PALS1: variants seen among roughly 807,000 people sequenced by gnomAD.
PALS1 encodes the protein protein associated with LIN7 1, MAGUK p55 family member.
In PALS1, 31 loss-of-function variants were observed where a neutral mutation model predicts 78.9. The observed-to-expected ratio is 0.39, with a 90% CI of 0.30 to 0.53. The LOEUF is 0.53. Among genes scored for constraint, PALS1 ranks in the 20% least tolerant of loss-of-function variants. The probability of loss-of-function intolerance (pLI) is 0.67; values close to 1 mark genes in which losing one functional copy is unlikely to be tolerated. For missense variants in PALS1, 704 were observed against 826.5 expected (o/e 0.85, Z 1.82); for synonymous variants, 276 against 270.9 (o/e 1.02, Z -0.18).
intron 3 of PALS1, among the ~76,000 whole-genome samples, chr14:67,283,922 A>G (rs900187507): frequency 1.3e-5 from 2 of 152,210 alleles, no homozygotes; most frequent in Non-Finnish European, 2.9e-5. Flanking sequence ...CGGCACATTC[A>G]GAAATGTATG....
chr14:67,331,120 CT>C (rs2085443208), intron 14 of PALS1, among the ~76,000 whole-genome samples: 2 of 152,216 alleles, frequency 1.3e-5, no homozygotes, highest in Admixed American at 1.3e-4. Flanking sequence ...TCTTGGTTCA[CT>C]GCAACCTCTG....
intron 13 of PALS1, among the ~76,000 whole-genome samples, chr14:67,323,232 C>CATGTGTGTGTGTGTGTGTGTGT (rs57594216): frequency 4.2e-5 from 6 of 143,588 alleles, no homozygotes; most frequent in African/African-American, 1.6e-4. Flanking sequence ...CATATATACA[C>CATGTGTGTGTGTGTGTGTGTGT]GTGTGTGTGT....
chr14:67,248,189 A>G (rs1397176624), intron 1 of PALS1, among the ~76,000 whole-genome samples: 1 of 152,166 alleles, frequency 6.6e-6, no homozygotes, highest in East Asian at 1.9e-4. Context: ...TTAAACAAAA[A>G]TCATTTTGGA....
At chr14:67,301,701 C>A (rs2084934607) in intron 5 of PALS1, among the ~76,000 whole-genome samples, 1 of 152,044 alleles carries the variant, frequency 6.6e-6, no homozygotes, top group Non-Finnish European at 1.5e-5. Flanking sequence ...TTCTTCCCCC[C>A]TTTGGTTGTA....
intron 1 of PALS1, among the ~76,000 whole-genome samples, chr14:67,244,564 A>G (rs1049886126): frequency 8.5e-5 from 13 of 152,236 alleles, no homozygotes; most frequent in African/African-American, 2.4e-4. Context: ...AACTACCACA[A>G]TCAAGGTAAA....
rs146917633 is a variant in PALS1 at position 67,275,884 on chromosome 14, C to T, written c.-153-3134C>T. ...GTGTCCAGGAATTTATCCATTTCTTCTAGATTTTCTACTTTATTTGCGTAG... is the reference window on the plus strand; with the variant it reads ...GTGTCCAGGAATTTATCCATTTCTTTTAGATTTTCTACTTTATTTGCGTAG... On this transcript the variant is annotated intron_variant, in intron 2 of 14. Coordinates refer to ENST00000261681, the MANE Select transcript of PALS1 (RefSeq NM_022474.4). Among the ~76,000 whole-genome samples the T allele has an allele frequency of 2.0e-3, 302 of 152,234 alleles. 2 individuals carry two copies. The highest frequency in any genetic ancestry group is 2.8e-3 in the Non-Finnish European group (191 of 68,024).
chr14:67,319,190 T>C (rs1173408396), intron 11 of PALS1, among the ~76,000 whole-genome samples: 1 of 152,216 alleles, frequency 6.6e-6, no homozygotes, highest in African/African-American at 2.4e-5. Context: ...GTGCTGAGCA[T>C]TGACAAGCCT....
intron 4 of PALS1, among the ~76,000 whole-genome samples, chr14:67,293,943 A>G (rs539445161): frequency 1.3e-5 from 2 of 152,316 alleles, no homozygotes; most frequent in East Asian, 3.9e-4. Flanking sequence ...AAAAGCTGAC[A>G]CACACAATAG....
chr14:67,321,924 G>T (rs2085269517), intron 13 of PALS1, among the ~76,000 whole-genome samples: 1 of 152,058 alleles, frequency 6.6e-6, no homozygotes, highest in Admixed American at 6.6e-5. Context: ...AGAAAAATTA[G>T]AAAATTTCAA....
At chr14:67,271,983 A>G (rs1016024579) in intron 2 of PALS1, 1 of 151,750 alleles carries the variant, frequency 6.6e-6, no homozygotes. Context: ...AGGCAAGAGA[A>G]TCGTTTGAAC....
intron 3 of PALS1, among the ~76,000 whole-genome samples, chr14:67,281,572 G>A (rs2084609578): frequency 6.6e-6 from 1 of 152,024 alleles, no homozygotes; most frequent in Non-Finnish European, 1.5e-5. Flanking sequence ...GTTATATCCA[G>A]TGCAAACCTG....
At chr14:67,311,426 C>G (rs1213087360) in intron 8 of PALS1, among the ~76,000 whole-genome samples, 1 of 151,908 alleles carries the variant, frequency 6.6e-6, no homozygotes, top group East Asian at 1.9e-4. Flanking sequence ...GGAATTTAAC[C>G]TATGTGTGAC....
intron 1 of PALS1, among the ~76,000 whole-genome samples, chr14:67,253,468 G>C (rs1250026488): frequency 6.6e-6 from 1 of 152,174 alleles, no homozygotes; most frequent in African/African-American, 2.4e-5. Context: ...AGCTTTATCA[G>C]CTTCTCTATT....
chr14:67,303,569 G>A lies in PALS1; in HGVS notation c.1011G>A (p.Gln337=). The A allele has an allele frequency of 6.2e-7, 1 of 1,613,808 alleles. No homozygotes were observed. The highest frequency in any genetic ancestry group is 8.5e-7 in the Non-Finnish European group (1 of 1,179,756). ...TLTFVLIPSQ[Q]IKPPPAKETV... is the part of the protein sequence containing the mutation. The stretch of plus-strand genomic sequence containing the variant: ...CTTTTGTCCTGATTCCCAGTCAACA[G>A]ATCAAGCCGCCTCCTGCCAAGGAAA... Residue 337 remains glutamine (Q), a synonymous_variant, in exon 8 of 15, where the codon CAG becomes CAA. Transcript: ENST00000261681.
At chr14:67,322,135 C>T (rs542337585) in intron 13 of PALS1, among the ~76,000 whole-genome samples, 1 of 152,020 alleles carries the variant, frequency 6.6e-6, no homozygotes, top group South Asian at 2.1e-4. Flanking sequence ...CACTTGAGTT[C>T]AGGAGTTCCA....
intron 9 of PALS1, among the ~76,000 whole-genome samples, chr14:67,313,009 A>G (rs1274438): frequency 0.011 from 1,695 of 152,174 alleles, 26 homozygotes; most frequent in Non-Finnish European, 0.011. Flanking sequence ...GTATTATACT[A>G]TATACTATAT....
At chr14:67,264,562 T>A (rs920653859) in intron 1 of PALS1, among the ~76,000 whole-genome samples, 3 of 152,218 alleles carry the variant, frequency 2.0e-5, no homozygotes, top group African/African-American at 7.2e-5. Flanking sequence ...GTAAATGGTA[T>A]GAGTAAAGGT....
At chr14:67,320,149 T>C (rs971824722) in intron 11 of PALS1, 81 bp from the exon 12 acceptor site, 17 of 1,315,664 alleles carry the variant, frequency 1.3e-5, no homozygotes, top group Middle Eastern at 2.0e-4. Flanking sequence ...TGTCTAATTT[T>C]GGGTGAAGAT....
In PALS1 at chr14:67,289,219, C is replaced by A. The variant is rs1039690938; in HGVS notation, c.368-3292C>A. Among the ~76,000 whole-genome samples the A allele has an allele frequency of 2.0e-5, 3 of 152,192 alleles. No homozygotes were observed. In the East Asian group the frequency reaches 5.8e-4, roughly 29 times the overall value. On this transcript the variant is annotated intron_variant, in intron 3 of 14. Coordinates refer to ENST00000261681, the MANE Select transcript of PALS1 (RefSeq NM_022474.4). ...CTGACTTCGTGTGATCCACCTGCCT[C>A]AGCCTCCCAAAGTGCTGGGATTACA...
Sources: allele counts gnomAD v4.1 joint callset (sites outside exome capture counted in the v4.1 genomes callset), GRCh38; gene constraint gnomAD v4.1.1; transcripts MANE v1.5; gene names NCBI Gene and HGNC (gene_info 2026-07-23, HGNC 2026-07-21).